Variants in ATIC observed in about 807,000 individuals in gnomAD.
ATIC encodes 5-aminoimidazole-4-carboxamide ribonucleotide formyltransferase/IMP cyclohydrolase.
Under a neutral mutation model 72.5 loss-of-function variants are expected in ATIC, and 64 were observed. The ratio of observed to expected loss-of-function variants is 0.88; its 90% CI spans 0.72 to 1.09. The LOEUF (loss-of-function observed/expected upper bound fraction) is 1.09. Ranked by LOEUF, ATIC falls within the 50% of genes least tolerant of loss-of-function variation. ATIC has a pLI of 0.00. For synonymous variants in ATIC, 281 were observed against 267.1 expected, an observed-to-expected ratio of 1.05 and a Z score of -0.51; for missense variants, 787 against 732.4, an observed-to-expected ratio of 1.07 and a Z score of -0.86.
intron 14 of ATIC, among the ~76,000 whole-genome samples, chr2:215,348,057 C>T (rs1024068490): frequency 6.6e-6 from 1 of 152,160 alleles, no homozygotes; most frequent in Non-Finnish European, 1.5e-5. Context: ...GGGCATACTT[C>T]CCCTGAAGCC....
chr2:215,364,887 C>T, the ATIC span: 1 of 1,557,958 alleles, frequency 6.4e-7, no homozygotes, highest in Non-Finnish European at 8.7e-7. Context: ...ACCCGCTGGC[C>T]TCCAAAGCAT....
chr2:215,351,867 A>G (rs191862619), downstream of ATIC, among the ~76,000 whole-genome samples: 2 of 152,344 alleles, frequency 1.3e-5, no homozygotes, highest in East Asian at 1.9e-4. Flanking sequence ...GTCAACGTCA[A>G]TAGTGTCATG....
At chr2:215,353,151 AT>A (rs1363781447), downstream of ATIC, among the ~76,000 whole-genome samples, 3 of 152,128 alleles carry the variant, frequency 2.0e-5, no homozygotes, top group Non-Finnish European at 4.4e-5. Flanking sequence ...TCTTTAATGC[AT>A]TTTGTGAACC....
chr2:215,316,295 A>G (rs909327989), intron 2 of ATIC, among the ~76,000 whole-genome samples: 2 of 152,184 alleles, frequency 1.3e-5, no homozygotes, highest in African/African-American at 2.4e-5. Context: ...AGAAATTTTG[A>G]ATTTGAAAAC....
chr2:215,326,042 G>C lies in ATIC; in HGVS notation c.435G>C (p.Val145=). 2 of 1,614,216 alleles carry C rather than the reference G, an allele frequency of 1.2e-6. No homozygotes were observed. The highest frequency in any genetic ancestry group is 1.7e-6 in the Non-Finnish European group (2 of 1,180,034). The change falls in exon 6 of 16, where the codon GTG becomes GTC. Residue 145 remains valine (V), a synonymous_variant. Transcript: ENST00000236959. Reference sequence around the variant, plus strand: ...AAAACCACGCTCGAGTGACAGTGGTGTGTGAACCAGAGGACTATGTGGTGG... The same window carrying C: ...AAAACCACGCTCGAGTGACAGTGGTCTGTGAACCAGAGGACTATGTGGTGG... The part of the protein sequence containing the change: ...AAKNHARVTV[V]CEPEDYVVVS...
intron 7 of ATIC, among the ~76,000 whole-genome samples, chr2:215,330,433 C>T (rs2052878405): frequency 6.6e-6 from 1 of 152,052 alleles, no homozygotes; most frequent in Non-Finnish European, 1.5e-5. Context: ...ACCCCGCTTC[C>T]CCGCAGTTTC....
At chr2:215,334,404 C>T (rs2052932782) in intron 9 of ATIC, among the ~76,000 whole-genome samples, 1 of 151,994 alleles carries the variant, frequency 6.6e-6, no homozygotes, top group Non-Finnish European at 1.5e-5. Flanking sequence ...CCATGTTGGC[C>T]AGGCTGGTCT....
intron 1 of ATIC, 48 bp from the exon 2 acceptor site, chr2:215,312,450 A>C: frequency 6.2e-7 from 1 of 1,614,116 alleles, no homozygotes; most frequent in Non-Finnish European, 8.5e-7. Flanking sequence ...CTTGCAGAAC[A>C]CAGTGCAATG....
At chr2:215,323,429 G>A (rs1004632924) in intron 4 of ATIC, among the ~76,000 whole-genome samples, 3 of 152,302 alleles carry the variant, frequency 2.0e-5, no homozygotes, top group East Asian at 1.9e-4. Flanking sequence ...AAATCTTCCA[G>A]TCTGTGAACA....
chr2:215,363,392 GAGAGAC>G, the ATIC span: 1 of 134,966 alleles, frequency 7.4e-6, no homozygotes, highest in Admixed American at 7.9e-5. Context: ...GAGAGAGAGA[GAGAGAC>G]AGAGAGAGAT....
Position 215,318,189 on chromosome 2 carries a change from T to C in ATIC, c.179T>C (p.Met60Thr). ...DVSELTGFPE[M>T]LGGRVKTLHP... ...TCTGAGTTGACGGGATTTCCTGAAATGTTGGGGGGACGTGTGAAAACTTTG... is the reference window on the plus strand; with the variant it reads ...TCTGAGTTGACGGGATTTCCTGAAACGTTGGGGGGACGTGTGAAAACTTTG... Residue 60 changes from methionine (M) to threonine (T), a missense_variant, in exon 3 of 16, where the codon ATG becomes ACG. Coordinates refer to ENST00000236959, the MANE Select transcript of ATIC (RefSeq NM_004044.7). 1 of 1,614,142 alleles carries C rather than the reference T, an allele frequency of 6.2e-7. No individual in the cohort carries two copies. The highest frequency in any genetic ancestry group is 1.1e-5 in the South Asian group (1 of 91,086).
chr2:215,361,574 C>G, the ATIC span: 9 of 1,610,670 alleles, frequency 5.6e-6, no homozygotes, highest in Non-Finnish European at 7.6e-6. Context: ...GGAATCTTCT[C>G]TGTCAGCCTG....
downstream of ATIC, chr2:215,349,822 C>A: frequency 2.4e-6 from 3 of 1,234,176 alleles, no homozygotes; most frequent in African/African-American, 1.5e-5. Context: ...TGAACTGACA[C>A]ATGACACATA....
chr2:215,332,131 CGTGTGTGTGTGTGTGTGTGTGTGT>C (rs71044585), intron 7 of ATIC, among the ~76,000 whole-genome samples: 7 of 142,146 alleles, frequency 4.9e-5, no homozygotes, highest in South Asian at 2.3e-4. Flanking sequence ...GTCCTCCAGT[CGTGTGTGTGTGTGTGTGTGTGTGT>C]GTGTGTGTGT....
downstream of ATIC, among the ~76,000 whole-genome samples, chr2:215,352,636 T>C (rs933685334): frequency 1.3e-5 from 2 of 152,114 alleles, no homozygotes; most frequent in African/African-American, 4.8e-5. Context: ...TTAAAAAGTA[T>C]ATAACCACAT....
intron 11 of ATIC, among the ~76,000 whole-genome samples, chr2:215,338,308 C>G (rs2052979398): frequency 6.6e-6 from 1 of 152,158 alleles, no homozygotes; most frequent in South Asian, 2.1e-4. Context: ...CTTTCAATTC[C>G]TGGGTTAGCT....
chr2:215,360,658 A>T, the ATIC span: 1 of 152,504 alleles, frequency 6.6e-6, no homozygotes, highest in Non-Finnish European at 1.5e-5. Context: ...TAAAGCAGAA[A>T]GTGTAAAGCT....
intron 12 of ATIC, among the ~76,000 whole-genome samples, chr2:215,342,110 C>T (rs1268180249): frequency 1.3e-5 from 2 of 152,112 alleles, no homozygotes; most frequent in Non-Finnish European, 2.9e-5. Flanking sequence ...TGCCTGTTGA[C>T]ACATGGGGAT....
chr2:215,358,484 C>T, the ATIC span, among the ~76,000 whole-genome samples: 1 of 152,062 alleles, frequency 6.6e-6, no homozygotes, highest in Non-Finnish European at 1.5e-5. Flanking sequence ...CAGGAGTAAA[C>T]AAACTGTTTA....
Sources: gnomAD v4.1 joint callset for allele counts (sites outside exome capture counted in the v4.1 genomes callset) on GRCh38, gnomAD v4.1.1 for gene constraint, MANE v1.5 for transcripts, NCBI Gene and HGNC (gene_info 2026-07-23, HGNC 2026-07-21) for gene names.